The following USP7 variants were observed in gnomAD, a reference collection of about 807,000 sequenced individuals.
The protein encoded by USP7 is ubiquitin specific peptidase 7, also known as ubiquitin C-terminal hydrolase 7.
In USP7, 9 loss-of-function variants were observed where a neutral mutation model predicts 162.9. That is an observed-to-expected ratio of 0.06 (90% CI 0.03 to 0.10). USP7 has a LOEUF of 0.10. Ranked by LOEUF, USP7 falls within the 10% of genes least tolerant of loss-of-function variation. The pLI is 1.00. For synonymous variants in USP7, 562 were observed against 475.9 expected (o/e 1.18, Z -2.35); for missense variants, 715 against 1,373.7 (o/e 0.52, Z 7.58).
At chr16:8,898,722 C>A in intron 23 of USP7, 83 bp from the exon 24 acceptor site, 1 of 1,154,200 alleles carries the variant, frequency 8.7e-7, no homozygotes, top group South Asian at 1.6e-5. Context: ...AAAAGCAAAC[C>A]GCTGGCCTTA....
At chr16:8,910,663 CA>C (rs2061932152) in intron 11 of USP7, 81 bp downstream of exon 11, 1 of 1,331,234 alleles carries the variant, frequency 7.5e-7, no homozygotes, top group Non-Finnish European at 1.1e-6. Context: ...AAGGCACAAG[CA>C]AATTTTTATT....
chr16:8,906,364 G>A lies in USP7; in HGVS notation c.1428+62C>T, dbSNP rs544436714. ...TTCCGAGTAGGAACCAGAACAGGCT[G>A]AAGCAGAGCTTGTGTTAACTTTCTG... On this transcript the variant is annotated intron_variant, in intron 13 of 30. Transcript: ENST00000344836. 1.7e-5 allele frequency: 27 copies of A among 1,572,804 alleles called. No individual in the cohort carries two copies. The East Asian group carries it at 5.0e-4, about 29-fold the overall frequency.
rs1364481104 is a variant in USP7, at chr16:8,963,676, A to T, written c.-391T>A. On this transcript the variant is annotated 5_prime_UTR_variant, in exon 1 of 31. Transcript: ENST00000344836. Reference sequence around the variant, plus strand: ...GAGGGCGGCCGGTCGGGGGCCGCGGAGTCAGCCCCGCCTCGGGCCGGGCGC... The same window carrying T: ...GAGGGCGGCCGGTCGGGGGCCGCGGTGTCAGCCCCGCCTCGGGCCGGGCGC... Among the ~76,000 whole-genome samples the T allele has an allele frequency of 7.3e-6, 1 of 137,456 alleles. No homozygotes were observed. The highest frequency in any genetic ancestry group is 2.6e-5 in the African/African-American group (1 of 37,930). The allele number at this position is 137,456 out of a possible 152,430, so 90.2% of individuals were successfully genotyped here. A position where few individuals can be genotyped will look rare whatever the true frequency, so the allele number is the denominator to read the frequency against.
At chr16:8,915,637 A>T (rs1897333998) in intron 8 of USP7, 112 bp from the exon 9 acceptor site, 1 of 944,574 alleles carries the variant, frequency 1.1e-6, no homozygotes, top group Non-Finnish European at 1.6e-6. Flanking sequence ...AGACTATAAA[A>T]ATATGACCTC....
At chr16:8,947,406 T>C (rs1455692078) in intron 1 of USP7, among the ~76,000 whole-genome samples, 6 of 151,950 alleles carry the variant, frequency 3.9e-5, no homozygotes, top group African/African-American at 2.4e-5. Context: ...CGAAGTACAG[T>C]GGTGCCATCT....
intron 17 of USP7, 72 bp from the exon 18 acceptor site, chr16:8,902,259 A>T: frequency 1.3e-6 from 2 of 1,585,554 alleles, no homozygotes; most frequent in South Asian, 2.3e-5. Context: ...ACTACAGTCA[A>T]GTATTGAAGA....
chr16:8,922,212 G>A (rs1413193935), intron 3 of USP7, among the ~76,000 whole-genome samples: 2 of 152,250 alleles, frequency 1.3e-5, no homozygotes, highest in East Asian at 3.8e-4. Context: ...AGTACGGCCA[G>A]GTGCGCTGGC....
intron 10 of USP7, among the ~76,000 whole-genome samples, chr16:8,911,619 G>A (rs2061947859): frequency 6.6e-6 from 1 of 152,252 alleles, no homozygotes; most frequent in Non-Finnish European, 1.5e-5. Context: ...GATGGGCCCA[G>A]CTCTGCTGAA....
intron 1 of USP7, among the ~76,000 whole-genome samples, chr16:8,945,648 C>A (rs1899243790): frequency 6.6e-6 from 1 of 152,180 alleles, no homozygotes; most frequent in South Asian, 2.1e-4. Context: ...TTAATCCATA[C>A]ATTTAAACAC....
At chr16:8,937,235 A>G (rs1898794191) in intron 1 of USP7, among the ~76,000 whole-genome samples, 1 of 152,078 alleles carries the variant, frequency 6.6e-6, no homozygotes, top group Admixed American at 6.5e-5. Flanking sequence ...GATTAACACG[A>G]AACAACGTGT....
chr16:8,928,979 C>G (rs1476425573), intron 2 of USP7, among the ~76,000 whole-genome samples: 1 of 151,730 alleles, frequency 6.6e-6, no homozygotes, highest in African/African-American at 2.4e-5. Flanking sequence ...CAAGAATTAT[C>G]CAAGTTGCCA....
chr16:8,931,840 A>G (rs923712821), intron 1 of USP7, among the ~76,000 whole-genome samples: 1 of 152,234 alleles, frequency 6.6e-6, no homozygotes, highest in African/African-American at 2.4e-5. Flanking sequence ...CCATATTAGA[A>G]TAGCTCACTG....
chr16:8,946,458 C>T (rs1899285585), intron 1 of USP7, among the ~76,000 whole-genome samples: 1 of 152,158 alleles, frequency 6.6e-6, no homozygotes, highest in African/African-American at 2.4e-5. Context: ...TCCAGAAAGA[C>T]TTATGCTCCA....
chr16:8,933,307 G>T (rs144851444), intron 1 of USP7, among the ~76,000 whole-genome samples: 162 of 152,202 alleles, frequency 1.1e-3, no homozygotes, highest in African/African-American at 3.8e-3. Flanking sequence ...GCACTTGTGG[G>T]GGGCCAAGAC....
At chr16:8,955,363 G>A (rs935250005) in intron 1 of USP7, among the ~76,000 whole-genome samples, 5 of 152,104 alleles carry the variant, frequency 3.3e-5, no homozygotes, top group African/African-American at 1.2e-4. Context: ...TCCCACCTCG[G>A]CCTCCCAAAG....
chr16:8,900,507 A>AC (rs1394536124), intron 21 of USP7, 23 bp downstream of exon 21: 1 of 1,535,162 alleles, frequency 6.5e-7, no homozygotes, highest in African/African-American at 1.4e-5. Context: ...ACAAAGTGAT[A>AC]CAATCCTTCA....
At position 8,923,432 on chromosome 16, in the gene USP7, A is replaced by ATCAG. The variant is rs756740088; in HGVS notation, c.185-23_185-20dup. The ATCAG allele has an allele frequency of 3.1e-6, 5 of 1,613,424 alleles. No individual in the cohort carries two copies. The South Asian group carries it at 5.5e-5, about 18-fold the overall frequency. On this transcript the variant is annotated intron_variant, in intron 2 of 30. Coordinates refer to ENST00000344836, the MANE Select transcript of USP7 (RefSeq NM_003470.3). ...CTGGTGTCTGCAAAAAAAACACATC[A>ATCAG]TCAGTCACAGAGCCTGTGCATTGAC... is the stretch of plus-strand genomic sequence containing the variant.
intron 1 of USP7, among the ~76,000 whole-genome samples, chr16:8,958,384 C>G (rs996056878): frequency 6.6e-6 from 1 of 152,246 alleles, no homozygotes; most frequent in Non-Finnish European, 1.5e-5. Context: ...CCTAAGACTG[C>G]AGCTGTGCGA....
At chr16:8,954,577 T>C (rs1280488129) in intron 1 of USP7, among the ~76,000 whole-genome samples, 1 of 152,230 alleles carries the variant, frequency 6.6e-6, no homozygotes, top group Non-Finnish European at 1.5e-5. Context: ...GCTGTAAGTT[T>C]ATAGGATGTA....
Sources: gnomAD v4.1 joint callset for allele counts (sites outside exome capture counted in the v4.1 genomes callset) on GRCh38, gnomAD v4.1.1 for gene constraint, MANE v1.5 for transcripts, NCBI Gene and HGNC (gene_info 2026-07-23, HGNC 2026-07-21) for gene names.